Variants in TYRO3 observed in about 807,000 individuals in gnomAD.
TYRO3 encodes the protein tyrosine-protein kinase receptor TYRO3.
A neutral mutation model predicts 95.2 loss-of-function variants in TYRO3; 38 were observed. The ratio of observed to expected loss-of-function variants is 0.40; its 90% CI spans 0.31 to 0.52. TYRO3 has a LOEUF of 0.52. TYRO3 is among the 20% of genes least tolerant of loss of function. The probability of loss-of-function intolerance (pLI) is 0.56; values close to 1 mark genes in which losing one functional copy is unlikely to be tolerated. For missense variants in TYRO3, 812 were observed against 1,116.4 expected (o/e 0.73, Z 3.89); for synonymous variants, 367 against 432.9 (o/e 0.85, Z 1.89).
At chr15:41,576,675 A>T (rs1375764903) in intron 18 of TYRO3, among the ~76,000 whole-genome samples, 1 of 144,766 alleles carries the variant, frequency 6.9e-6, no homozygotes, top group Non-Finnish European at 1.5e-5. Flanking sequence ...TTTTTAAAAA[A>T]AAAAAAGAGA....
Position 41,567,593 on chromosome 15 carries a change from G to A in TYRO3, c.961+56G>A, listed in dbSNP as rs1025481840. On this transcript the variant is annotated intron_variant, in intron 7 of 18. Transcript: ENST00000263798. ...CAGGGCTGGAGCCGGGAAGGGGGCC[G>A]TGTTGGCTGGAGTTCTGAATGGTGC... is the stretch of plus-strand genomic sequence containing the variant. 28 of 1,392,154 alleles carry A rather than the reference G, an allele frequency of 2.0e-5. No individual in the cohort carries two copies. The Admixed American group carries it at 5.6e-4, about 28-fold the overall frequency. The allele number at this position is 1,392,154 out of a possible 1,614,324, so 86.2% of individuals were successfully genotyped here.
chr15:41,565,244 A>G (rs2055707202), intron 6 of TYRO3, 103 bp downstream of exon 6: 3 of 698,806 alleles, frequency 4.3e-6, no homozygotes, highest in Non-Finnish European at 7.6e-6. Flanking sequence ...CTTGGTCTGC[A>G]GCTCTTTTCA....
In TYRO3 at chr15:41,581,460, C is replaced by T. The variant is rs1183338381; in HGVS notation, c.*3184C>T. On this transcript the variant is annotated 3_prime_UTR_variant, in exon 19 of 19. Coordinates refer to ENST00000263798, the MANE Select transcript of TYRO3 (RefSeq NM_006293.4). Reference sequence around the variant, plus strand: ...CAGGCAAGTAGCTTTCAGAATCTTTCCTGCTGTGATTAGCTTTCACTGCAG... The same window carrying T: ...CAGGCAAGTAGCTTTCAGAATCTTTTCTGCTGTGATTAGCTTTCACTGCAG... 6 of 153,138 alleles carry T rather than the reference C, an allele frequency of 3.9e-5. No homozygotes were observed. Among genetic ancestry groups the T allele is most frequent in the African/African-American group, 1.4e-4 (6 of 41,450 alleles). The allele number at this position is 153,138 out of a possible 1,614,324, so 9.5% of individuals were successfully genotyped here.
chr15:41,567,754 G>T (rs1283360090), intron 7 of TYRO3, among the ~76,000 whole-genome samples: 1 of 152,184 alleles, frequency 6.6e-6, no homozygotes, highest in Non-Finnish European at 1.5e-5. Context: ...GATAAAGAGT[G>T]TCCCCAGGTG....
chr15:41,576,583 C>T (rs1367266455), intron 18 of TYRO3, among the ~76,000 whole-genome samples: 2 of 151,284 alleles, frequency 1.3e-5, no homozygotes, highest in Admixed American at 1.3e-4. Context: ...CCTGCTTCGG[C>T]CTCCCAAAGT....
chr15:41,568,804 T>C (rs1205570889), intron 8 of TYRO3, 74 bp from the exon 9 acceptor site: 1 of 1,540,738 alleles, frequency 6.5e-7, no homozygotes, highest in African/African-American at 1.4e-5. Context: ...GCTGGACCTT[T>C]TTCTGTCCTC....
chr15:41,574,192 C>A (rs1035590122), intron 18 of TYRO3, among the ~76,000 whole-genome samples: 6 of 152,022 alleles, frequency 3.9e-5, no homozygotes, highest in African/African-American at 1.5e-4. Context: ...ATTTGTTCTA[C>A]CCTAGTGAAT....
chr15:41,559,707 C>A (rs1049984572), intron 1 of TYRO3, among the ~76,000 whole-genome samples: 2 of 152,178 alleles, frequency 1.3e-5, no homozygotes, highest in African/African-American at 4.8e-5. Flanking sequence ...CCCTCCTTCC[C>A]AGTACTGGGG....
At chr15:41,573,554 CTG>C in intron 17 of TYRO3, 87 bp downstream of exon 17, 4 of 1,599,522 alleles carry the variant, frequency 2.5e-6, no homozygotes, top group Non-Finnish European at 3.4e-6. Flanking sequence ...AGTCTGCTCT[CTG>C]GGGTTTGGTT....
intron 14 of TYRO3, among the ~76,000 whole-genome samples, 158 bp from the exon 15 acceptor site, chr15:41,572,285 C>T (rs2055805991): frequency 6.6e-6 from 1 of 152,170 alleles, no homozygotes; most frequent in Non-Finnish European, 1.5e-5. Flanking sequence ...AGAGTCCCTC[C>T]TGGGTAGTCC....
rs555742720 is a variant in TYRO3, at chr15:41,568,969, T to A, written c.1199T>A (p.Val400Asp). ...GTACGTGTGTGCGTCTCCAATGCAG[T>A]TGGCTGTGGACCCTGGAGTCAGCCA... ...LIVRVCVSNA[V>D]GCGPWSQPLV... Residue 400 changes from valine to aspartate, a missense_variant, in exon 9 of 19, where the codon GTT (valine) becomes GAT (aspartate). Val to Asp is a radical substitution (Grantham distance 152). Transcript: ENST00000263798. 240 of 1,614,150 alleles carry A rather than the reference T, an allele frequency of 1.5e-4. 4 individuals carry two copies. In the South Asian group the frequency reaches 2.6e-3, roughly 17 times the overall value.
rs759733301 is a variant in TYRO3, at chr15:41,561,649, C to G, written c.409+10C>G. On this transcript the variant is annotated intron_variant, in intron 3 of 18. Coordinates refer to ENST00000263798, the MANE Select transcript of TYRO3 (RefSeq NM_006293.4). ...TGGCTCACGGTAGAAGGTGAGGAGGCAGAGCCATATGGGCGTGTTGGCCTG... is the reference window on the plus strand; with the variant it reads ...TGGCTCACGGTAGAAGGTGAGGAGGGAGAGCCATATGGGCGTGTTGGCCTG... 1 of 1,018,076 alleles carries G rather than the reference C, an allele frequency of 9.8e-7. No individual in the cohort carries two copies. Among genetic ancestry groups the G allele is most frequent in the South Asian group, 1.3e-5 (1 of 74,276 alleles). The allele number at this position is 1,018,076 out of a possible 1,614,324, so 63.1% of individuals were successfully genotyped here.
At chr15:41,570,873 T>C (rs1290402431) in intron 12 of TYRO3, 165 bp from the exon 13 acceptor site, 2 of 910,162 alleles carry the variant, frequency 2.2e-6, no homozygotes, top group Non-Finnish European at 3.5e-6. Context: ...CAGGGAGGGC[T>C]GAGGAGCTGC....
chr15:41,570,767 T>A, intron 12 of TYRO3, 68 bp downstream of exon 12: 1 of 1,469,070 alleles, frequency 6.8e-7, no homozygotes, highest in Non-Finnish European at 9.5e-7. Flanking sequence ...GTTGCCCCTG[T>A]CACTTTGAGG....
In TYRO3 at chr15:41,561,642, G is replaced by A. The variant is rs1566897963; in HGVS notation, c.409+3G>A. ...GCCAGTGTGGCTCACGGTAGAAGGT[G>A]AGGAGGCAGAGCCATATGGGCGTGT... On this transcript the variant is annotated splice_donor_region_variant and intron_variant, in intron 3 of 18. Coordinates refer to ENST00000263798, the MANE Select transcript of TYRO3 (RefSeq NM_006293.4). 6.4e-7 allele frequency: 1 copy of A among 1,556,876 alleles called. No individual in the cohort carries two copies. The highest frequency in any genetic ancestry group is 1.2e-5 in the South Asian group (1 of 84,706).
intron 1 of TYRO3, among the ~76,000 whole-genome samples, chr15:41,560,236 G>GA (rs1354016700): frequency 3.9e-5 from 6 of 152,144 alleles, no homozygotes; most frequent in Non-Finnish European, 5.9e-5. Flanking sequence ...TTTACAAGCC[G>GA]AAAGGTGCGG....
chr15:41,562,697 C>T lies in TYRO3; in HGVS notation c.559C>T (p.Pro187Ser), dbSNP rs2140818537. 6.2e-7 allele frequency: 1 copy of T among 1,613,484 alleles called. No homozygotes were observed. Among genetic ancestry groups the T allele is most frequent in the East Asian group, 2.2e-5 (1 of 44,872 alleles). The change falls in exon 4 of 19, where the codon CCA (proline) becomes TCA (serine). Residue 187 changes from proline (P) to serine (S), a missense_variant. Pro to Ser is a moderately conservative substitution (Grantham distance 74). Coordinates refer to ENST00000263798, the MANE Select transcript of TYRO3 (RefSeq NM_006293.4). ...GAAGATCGGGGGACCCGCTCCCTCT[C>T]CATCTGTTTTAAATGTAACAGGTGA... ...TTKIGGPAPS[P>S]SVLNVTGVTQ...
intron 11 of TYRO3, 53 bp downstream of exon 11, chr15:41,570,393 T>G: frequency 7.0e-7 from 1 of 1,423,984 alleles, no homozygotes; most frequent in African/African-American, 1.4e-5. Flanking sequence ...GTGCCCCATC[T>G]GCATTCTTTT....
intron 7 of TYRO3, among the ~76,000 whole-genome samples, chr15:41,567,779 C>G (rs1051944071): frequency 6.6e-6 from 1 of 152,122 alleles, no homozygotes; most frequent in African/African-American, 2.4e-5. Context: ...AGGAAACCCC[C>G]CCTAAAAAGG....
Sources: allele counts gnomAD v4.1 joint callset (sites outside exome capture counted in the v4.1 genomes callset), GRCh38; gene constraint gnomAD v4.1.1; transcripts MANE v1.5; gene names NCBI Gene and HGNC (gene_info 2026-07-23, HGNC 2026-07-21).